The following ZNF678 variants were observed in gnomAD, a reference collection of about 807,000 sequenced individuals.
ZNF678 encodes the protein zinc finger protein 678, also known as hypothetical protein MGC42493.
ZNF678 carries 5 observed loss-of-function variants against 3.0 expected under a neutral mutation model. The observed-to-expected ratio is 1.69, with a 90% CI of 0.88 to 3.56. The LOEUF is 3.56. Ranked by LOEUF, ZNF678 falls within the 30% of genes most tolerant of loss-of-function variation. ZNF678 has a pLI of 0.00. For synonymous variants in ZNF678, 218 were observed against 199.6 expected (o/e 1.09, Z -0.78); for missense variants, 593 against 605.0 (o/e 0.98, Z 0.21).
intron 2 of ZNF678, among the ~76,000 whole-genome samples, chr1:227,646,880 A>G (rs1558154222): frequency 6.6e-6 from 1 of 152,096 alleles, no homozygotes; most frequent in African/African-American, 2.4e-5. Flanking sequence ...TAAATTCTTC[A>G]CTCTAGATGA....
intron 1 of ZNF678, among the ~76,000 whole-genome samples, chr1:227,631,519 G>A (rs1056121982): frequency 2.6e-5 from 4 of 152,180 alleles, no homozygotes; most frequent in African/African-American, 7.2e-5. Context: ...TTTCAGAGAG[G>A]GTGTAGGTAA....
chr1:227,665,670 T>C (rs753405001), downstream of ZNF678, among the ~76,000 whole-genome samples: 9 of 152,262 alleles, frequency 5.9e-5, no homozygotes, highest in Non-Finnish European at 1.3e-4. Context: ...TGTCAAAATA[T>C]GAATTAGACA....
intron 1 of ZNF678, among the ~76,000 whole-genome samples, chr1:227,565,210 C>T (rs1260340515): frequency 5.3e-5 from 8 of 151,894 alleles, no homozygotes; most frequent in Admixed American, 6.6e-5. Context: ...GGACTACAGG[C>T]GTGCGCCACT....
chr1:227,621,568 G>A (rs1257416270), intron 1 of ZNF678, among the ~76,000 whole-genome samples: 1 of 152,174 alleles, frequency 6.6e-6, no homozygotes, highest in Non-Finnish European at 1.5e-5. Context: ...CTTATCTTTA[G>A]GTTTGTCTTC....
chr1:227,647,596 G>A (rs928434682), intron 2 of ZNF678, among the ~76,000 whole-genome samples: 37 of 152,140 alleles, frequency 2.4e-4, no homozygotes, highest in Non-Finnish European at 4.4e-5. Flanking sequence ...AAATGTCAAG[G>A]AGAAAGCCAG....
intron 1 of ZNF678, among the ~76,000 whole-genome samples, chr1:227,606,167 C>T (rs990753581): frequency 6.6e-5 from 10 of 152,118 alleles, no homozygotes; most frequent in South Asian, 2.1e-4. Flanking sequence ...GGACCTGCAC[C>T]GGTGCCGGTC....
intron 1 of ZNF678, among the ~76,000 whole-genome samples, chr1:227,569,301 A>G (rs1297829216): frequency 1.3e-5 from 2 of 152,190 alleles, no homozygotes; most frequent in Admixed American, 6.5e-5. Context: ...GGACAACTTA[A>G]TATGTATTTT....
intron 1 of ZNF678, among the ~76,000 whole-genome samples, chr1:227,586,633 A>G (rs1276428635): frequency 6.6e-6 from 1 of 152,250 alleles, no homozygotes; most frequent in Non-Finnish European, 1.5e-5. Flanking sequence ...AGAAGTTTAG[A>G]AACAAAACTT....
intron 1 of ZNF678, among the ~76,000 whole-genome samples, chr1:227,617,215 C>A (rs1658163274): frequency 6.6e-6 from 1 of 152,170 alleles, no homozygotes; most frequent in Admixed American, 6.5e-5. Flanking sequence ...GTGACCTGAC[C>A]ATGATGACCT....
downstream of ZNF678, among the ~76,000 whole-genome samples, chr1:227,664,107 T>A (rs944962015): frequency 1.3e-5 from 2 of 152,072 alleles, no homozygotes; most frequent in East Asian, 1.9e-4. Flanking sequence ...TCTCCAAAGG[T>A]TGAGGCTTCA....
downstream of ZNF678, among the ~76,000 whole-genome samples, chr1:227,679,031 A>G (rs1000945882): frequency 3.9e-5 from 6 of 152,168 alleles, no homozygotes; most frequent in African/African-American, 1.2e-4. Context: ...ACAAATGCCC[A>G]TAACTTACCA....
At chr1:227,591,780 AAAT>A (rs1043021584) in intron 1 of ZNF678, among the ~76,000 whole-genome samples, 31 of 152,278 alleles carry the variant, frequency 2.0e-4, no homozygotes, top group African/African-American at 6.5e-4. Flanking sequence ...AATAACCATA[AAAT>A]AATAGGACCA....
intron 1 of ZNF678, among the ~76,000 whole-genome samples, chr1:227,565,555 G>C (rs551572094): frequency 6.6e-6 from 1 of 151,914 alleles, no homozygotes; most frequent in African/African-American, 2.4e-5. Flanking sequence ...GTAGAGATTG[G>C]GTTTCGCTAG....
At chr1:227,665,867 G>A (rs544169879), downstream of ZNF678, among the ~76,000 whole-genome samples, 1 of 152,202 alleles carries the variant, frequency 6.6e-6, no homozygotes, top group Non-Finnish European at 1.5e-5. Context: ...TCCTGGGAGG[G>A]TGTGCCTGGT....
At chr1:227,631,216 A>G (rs1658540630) in intron 1 of ZNF678, among the ~76,000 whole-genome samples, 1 of 152,150 alleles carries the variant, frequency 6.6e-6, no homozygotes, top group African/African-American at 2.4e-5. Flanking sequence ...AGCATCCTCT[A>G]TGGTCTTAAT....
At chr1:227,599,086 G>T in intron 1 of ZNF678, 8 of 1,596,560 alleles carry the variant, frequency 5.0e-6, no homozygotes, top group South Asian at 1.1e-5. Context: ...CTGAAGACTG[G>T]ATTGGACCCC....
intron 1 of ZNF678, among the ~76,000 whole-genome samples, chr1:227,613,950 T>C (rs1658083726): frequency 6.6e-6 from 1 of 152,228 alleles, no homozygotes; most frequent in Non-Finnish European, 1.5e-5. Flanking sequence ...AATATCAACA[T>C]GATTAGCATC....
downstream of ZNF678, among the ~76,000 whole-genome samples, chr1:227,666,299 T>C (rs1341016961): frequency 6.6e-6 from 1 of 152,208 alleles, no homozygotes; most frequent in African/African-American, 2.4e-5. Context: ...GTAAAAAGTC[T>C]ACCTTCAAAT....
At position 227,662,132 on chromosome 1, in the gene ZNF678, C is replaced by G. The variant is rs2102815783; in HGVS notation, c.*6304C>G. On this transcript the variant is annotated 3_prime_UTR_variant, in exon 4 of 4. Coordinates refer to ENST00000343776, the MANE Select transcript of ZNF678 (RefSeq NM_001367909.1). The stretch of plus-strand genomic sequence containing the variant: ...GGATTGATTCAAACATTAATACTTT[C>G]AAGCGTTTCTATGGTATTTGTCAGC... 1 of 152,284 alleles carries G rather than the reference C, an allele frequency of 6.6e-6. No individual in the cohort carries two copies. The highest frequency in any genetic ancestry group is 2.4e-5 in the African/African-American group (1 of 41,550). The allele number at this position is 152,284 out of a possible 1,614,324, so 9.4% of individuals were successfully genotyped here.
Sources: allele counts gnomAD v4.1 joint callset (sites outside exome capture counted in the v4.1 genomes callset), GRCh38; gene constraint gnomAD v4.1.1; transcripts MANE v1.5; gene names NCBI Gene and HGNC (gene_info 2026-07-23, HGNC 2026-07-21).